CCDC73: variants seen among roughly 807,000 people sequenced by gnomAD.
The protein encoded by CCDC73 is coiled-coil domain containing 73, also known as coiled-coil domain-containing protein 73.
CCDC73 carries 95 observed loss-of-function variants against 116.5 expected under a neutral mutation model. The ratio of observed to expected loss-of-function variants is 0.82; its 90% CI spans 0.69 to 0.97. CCDC73 has a LOEUF of 0.97. CCDC73 is among the 50% of genes least tolerant of loss of function. The pLI is 0.00. For synonymous variants in CCDC73, 398 were observed against 401.3 expected (o/e 0.99, Z 0.10); for missense variants, 1,066 against 1,206.8 (o/e 0.88, Z 1.73).
intron 2 of CCDC73, among the ~76,000 whole-genome samples, chr11:32,719,067 G>C (rs1849969083): frequency 6.6e-6 from 1 of 152,152 alleles, no homozygotes; most frequent in Admixed American, 6.5e-5. Flanking sequence ...GAGCTGCAAA[G>C]ACAGAGTTTC....
At chr11:32,825,342 G>A in the CCDC73 span, among the ~76,000 whole-genome samples, 10 of 109,714 alleles carry the variant, frequency 9.1e-5, no homozygotes, top group African/African-American at 3.6e-4. Context: ...TGTTCTTGTT[G>A]CCCAGGCTGG....
chr11:32,804,955 T>TA, the CCDC73 span, among the ~76,000 whole-genome samples: 9 of 152,200 alleles, frequency 5.9e-5, no homozygotes, highest in Non-Finnish European at 8.8e-5. Context: ...ATTAAACACT[T>TA]ACCTGTTCTT....
chr11:32,741,608 G>A (rs1850187223), intron 2 of CCDC73, among the ~76,000 whole-genome samples: 1 of 150,968 alleles, frequency 6.6e-6, no homozygotes, highest in East Asian at 1.9e-4. Context: ...GTAACAGATT[G>A]TTGAGTCTTT....
At chr11:32,621,911 T>A (rs1855525924) in intron 14 of CCDC73, among the ~76,000 whole-genome samples, 1 of 151,904 alleles carries the variant, frequency 6.6e-6, no homozygotes, top group Admixed American at 6.6e-5. Flanking sequence ...TGAAAAAGAG[T>A]TCAACATCAC....
chr11:32,827,217 A>G, the CCDC73 span, among the ~76,000 whole-genome samples: 184 of 152,294 alleles, frequency 1.2e-3, no homozygotes, highest in African/African-American at 4.2e-3. Context: ...TAATACAGCA[A>G]GGAAATAATA....
chr11:32,796,569 C>T (rs2133413379), upstream of CCDC73, among the ~76,000 whole-genome samples: 1 of 152,282 alleles, frequency 6.6e-6, no homozygotes, highest in East Asian at 1.9e-4. Flanking sequence ...CATGCAATTT[C>T]CCCAATGATC....
At chr11:32,822,138 A>G in the CCDC73 span, among the ~76,000 whole-genome samples, 1 of 152,192 alleles carries the variant, frequency 6.6e-6, no homozygotes, top group Admixed American at 6.5e-5. Context: ...TGAAATGGGA[A>G]TGTATTTTAA....
intron 2 of CCDC73, among the ~76,000 whole-genome samples, chr11:32,747,958 G>C (rs1191976337): frequency 1.3e-5 from 2 of 152,168 alleles, no homozygotes; most frequent in Non-Finnish European, 2.9e-5. Context: ...TGCACCCACT[G>C]TCCAACCAGT....
intron 12 of CCDC73, 40 bp from the exon 13 acceptor site, chr11:32,642,122 C>A: frequency 6.7e-7 from 1 of 1,482,690 alleles, no homozygotes. Context: ...ATCAATACCA[C>A]ATTAATGAAT....
At chr11:32,722,147 A>G (rs1490072613) in intron 2 of CCDC73, among the ~76,000 whole-genome samples, 1 of 152,198 alleles carries the variant, frequency 6.6e-6, no homozygotes, top group East Asian at 1.9e-4. Flanking sequence ...CATCAATACT[A>G]TGATTCTGCT....
chr11:32,630,852 C>T lies in CCDC73; in HGVS notation c.1185+4844G>A, dbSNP rs148126234. Among the ~76,000 whole-genome samples the T allele has an allele frequency of 3.5e-3, 527 of 152,202 alleles. 2 individuals are homozygous for T. The highest frequency in any genetic ancestry group is 6.0e-3 in the Non-Finnish European group (411 of 68,008). ...TTCAACATAAGAAAAGGAAATATGA[C>T]TACTCCCATAAAAAAGTAACAAGAT... On this transcript the variant is annotated intron_variant, in intron 14 of 17. Transcript: ENST00000335185.
chr11:32,655,057 CCTT>C, intron 9 of CCDC73, 85 bp from the exon 10 acceptor site: 1 of 404,600 alleles, frequency 2.5e-6, no homozygotes. Context: ...CAAAGTTCAT[CCTT>C]AAGCCTATAA....
intron 12 of CCDC73, among the ~76,000 whole-genome samples, chr11:32,647,634 T>C (rs1035201810): frequency 4.6e-5 from 7 of 152,198 alleles, no homozygotes; most frequent in African/African-American, 1.7e-4. Flanking sequence ...AAAGCTTAAC[T>C]GTAGCAGCTA....
intron 7 of CCDC73, chr11:32,680,141 T>G (rs1565074545): frequency 1.3e-5 from 2 of 152,324 alleles, no homozygotes; most frequent in South Asian, 2.1e-4. Flanking sequence ...AGAGGTCCAT[T>G]GTCCAGTTTG....
At chr11:32,784,369 C>G (rs1170092085) in intron 1 of CCDC73, among the ~76,000 whole-genome samples, 1 of 151,598 alleles carries the variant, frequency 6.6e-6, no homozygotes, top group African/African-American at 2.4e-5. Context: ...ATAAGACAAT[C>G]CAAGGTGGTA....
chr11:32,830,189 G>T, the CCDC73 span: 2 of 1,056,342 alleles, frequency 1.9e-6, no homozygotes, highest in South Asian at 8.9e-5. Context: ...AGGCCTGGCG[G>T]CAGGACCTCG....
chr11:32,786,052 T>C (rs564969682), intron 1 of CCDC73, among the ~76,000 whole-genome samples: 20 of 152,194 alleles, frequency 1.3e-4, no homozygotes, highest in African/African-American at 3.9e-4. Flanking sequence ...AGACATGTAA[T>C]ATTTAATTTG....
the CCDC73 span, among the ~76,000 whole-genome samples, chr11:32,815,628 A>G: frequency 6.6e-6 from 1 of 152,270 alleles, no homozygotes; most frequent in South Asian, 2.1e-4. Context: ...GCTTATTAAA[A>G]CTGTGTGTTA....
At chr11:32,770,509 T>C (rs1302742243) in intron 1 of CCDC73, among the ~76,000 whole-genome samples, 1 of 152,176 alleles carries the variant, frequency 6.6e-6, no homozygotes. Flanking sequence ...GAGAGGTTCT[T>C]GTGTTTCTAG....
Sources: gnomAD v4.1 joint callset for allele counts (sites outside exome capture counted in the v4.1 genomes callset) on GRCh38, gnomAD v4.1.1 for gene constraint, MANE v1.5 for transcripts, NCBI Gene and HGNC (gene_info 2026-07-23, HGNC 2026-07-21) for gene names.